GNA14: variants seen among roughly 807,000 people sequenced by gnomAD.
GNA14 encodes the protein G protein subunit alpha 14.
In GNA14, 50 loss-of-function variants were observed where a neutral mutation model predicts 42.0. That is an observed-to-expected ratio of 1.19 (90% CI 0.95 to 1.51). GNA14 has a LOEUF of 1.51. Among genes scored for constraint, GNA14 ranks in the 40% most tolerant of loss-of-function variants. GNA14 has a pLI of 0.00. For synonymous variants in GNA14, 173 were observed against 163.1 expected (o/e 1.06, Z -0.46); for missense variants, 473 against 446.2 (o/e 1.06, Z -0.54).
At chr9:77,525,833 C>T (rs1287020190) in intron 2 of GNA14, among the ~76,000 whole-genome samples, 5 of 149,438 alleles carry the variant, frequency 3.3e-5, no homozygotes, top group Non-Finnish European at 5.9e-5. Flanking sequence ...CCACCGCACC[C>T]GGCCGTGCCC....
In GNA14 at chr9:77,623,451, C is replaced by T. The variant is rs1823965462; in HGVS notation, c.124+24219G>A. Among the ~76,000 whole-genome samples the T allele has an allele frequency of 1.3e-5, 2 of 152,010 alleles. 1 individual carries two copies. The highest frequency in any genetic ancestry group is 4.2e-4 in the South Asian group (2 of 4,814). On this transcript the variant is annotated intron_variant, in intron 1 of 6. Coordinates refer to ENST00000341700, the MANE Select transcript of GNA14 (RefSeq NM_004297.4). ...AGAATAAGAATAAGTAAATCAAACA[C>T]ATATTAATAATACTCTCACAGTGGC... is the stretch of plus-strand genomic sequence containing the variant.
intron 1 of GNA14, among the ~76,000 whole-genome samples, chr9:77,559,864 A>G (rs1044949254): frequency 6.6e-6 from 1 of 152,236 alleles, no homozygotes; most frequent in African/African-American, 2.4e-5. Context: ...CTCAGCTTAT[A>G]AACTGTTGAG....
rs749143230 is a variant in GNA14 at position 77,647,706 on chromosome 9, T to C, written c.88A>G (p.Lys30Glu). The C allele has an allele frequency of 1.2e-6, 2 of 1,610,302 alleles. No individual in the cohort carries two copies. The highest frequency in any genetic ancestry group is 1.3e-5 in the African/African-American group (1 of 74,886). Residue 30 changes from lysine (K) to glutamate (E), a missense_variant, in exon 1 of 7, where the codon AAG (lysine) becomes GAG (glutamate). Transcript: ENST00000341700. ...AGCTTAAGCTCACGGCGCGCGTCCT[T>C]CTTGTCCCGACGAAGCTGTCGCTCG... The part of the protein sequence containing the change: ...EIERQLRRDK[K>E]DARRELKLLL...
chr9:77,440,676 G>A (rs1332979608), intron 2 of GNA14, among the ~76,000 whole-genome samples: 1 of 152,104 alleles, frequency 6.6e-6, no homozygotes, highest in Admixed American at 6.5e-5. Flanking sequence ...TTGTTTTGTA[G>A]TGAGAACACT....
intron 2 of GNA14, among the ~76,000 whole-genome samples, chr9:77,516,577 T>G (rs1040394228): frequency 3.3e-5 from 5 of 151,936 alleles, no homozygotes; most frequent in Non-Finnish European, 5.9e-5. Flanking sequence ...AATACAAAAA[T>G]TAGATGGGTG....
intron 2 of GNA14, among the ~76,000 whole-genome samples, chr9:77,520,705 A>G (rs1004283936): frequency 1.3e-5 from 2 of 152,218 alleles, no homozygotes; most frequent in African/African-American, 2.4e-5. Context: ...TTGCAATTTA[A>G]AAGACTCAGA....
At chr9:77,528,969 T>G in intron 2 of GNA14, 100 bp downstream of exon 2, 4 of 992,454 alleles carry the variant, frequency 4.0e-6, no homozygotes, top group South Asian at 1.4e-5. Context: ...AACAAGAGCT[T>G]CTTCTGGCAT....
At chr9:77,498,842 G>A (rs1415373323) in intron 2 of GNA14, among the ~76,000 whole-genome samples, 1 of 152,106 alleles carries the variant, frequency 6.6e-6, no homozygotes, top group Admixed American at 6.6e-5. Context: ...GTAATGTGAT[G>A]AAAAAACCTA....
At chr9:77,589,308 C>T (rs1029876331) in intron 1 of GNA14, among the ~76,000 whole-genome samples, 2 of 152,190 alleles carry the variant, frequency 1.3e-5, no homozygotes, top group African/African-American at 2.4e-5. Context: ...TGACTTTCTG[C>T]GTCAACCAAA....
chr9:77,647,953 C>A lies in GNA14; in HGVS notation c.-160G>T. 1.3e-6 allele frequency: 1 copy of A among 772,868 alleles called. No homozygotes were observed. Among genetic ancestry groups the A allele is most frequent in the Non-Finnish European group, 2.0e-6 (1 of 497,122 alleles). 47.9% of individuals were successfully genotyped at this position (772,868 alleles called of 1,614,324 possible). Reference sequence around the variant, plus strand: ...GAGTAAGACGCCTGGACCTCCGAGGCTCAATCCCCCTTCGAAAGTCGGCTC... The same window carrying A: ...GAGTAAGACGCCTGGACCTCCGAGGATCAATCCCCCTTCGAAAGTCGGCTC... On this transcript the variant is annotated 5_prime_UTR_variant, in exon 1 of 7. Coordinates refer to ENST00000341700, the MANE Select transcript of GNA14 (RefSeq NM_004297.4).
chr9:77,504,287 A>G (rs1185310288), intron 2 of GNA14, among the ~76,000 whole-genome samples: 1 of 152,108 alleles, frequency 6.6e-6, no homozygotes, highest in Non-Finnish European at 1.5e-5. Context: ...TAAATATTTG[A>G]TCTCTTGCTT....
At chr9:77,430,665 G>A (rs1307089822) in intron 4 of GNA14, among the ~76,000 whole-genome samples, 2 of 152,174 alleles carry the variant, frequency 1.3e-5, no homozygotes, top group Non-Finnish European at 2.9e-5. Flanking sequence ...AAAATCGTGT[G>A]TGATAATTGT....
At chr9:77,580,537 G>A (rs984623551) in intron 1 of GNA14, 5 of 471,702 alleles carry the variant, frequency 1.1e-5, no homozygotes, top group African/African-American at 7.9e-5. Context: ...CCCCATCATC[G>A]GGTTCCACCA....
chr9:77,575,471 C>T (rs1382814135), intron 1 of GNA14, among the ~76,000 whole-genome samples: 1 of 152,108 alleles, frequency 6.6e-6, no homozygotes, highest in African/African-American at 2.4e-5. Context: ...CTAAACTTTC[C>T]ACATGAAAAA....
At chr9:77,503,852 A>T (rs1343947650) in intron 2 of GNA14, among the ~76,000 whole-genome samples, 2 of 151,810 alleles carry the variant, frequency 1.3e-5, no homozygotes, top group Non-Finnish European at 2.9e-5. Flanking sequence ...TTTCACCGTA[A>T]TATATTTGTA....
intron 2 of GNA14, among the ~76,000 whole-genome samples, chr9:77,463,183 G>A (rs1690725074): frequency 6.6e-6 from 1 of 152,070 alleles, no homozygotes; most frequent in Admixed American, 6.5e-5. Flanking sequence ...GTGGAATGTG[G>A]GACTGTAAAA....
intron 2 of GNA14, among the ~76,000 whole-genome samples, chr9:77,442,104 G>A (rs1385004920): frequency 1.3e-5 from 2 of 152,212 alleles, no homozygotes; most frequent in Non-Finnish European, 2.9e-5. Flanking sequence ...TGGTGCAGTG[G>A]CTCATGCCTA....
chr9:77,555,544 G>A (rs1822761158), intron 1 of GNA14, among the ~76,000 whole-genome samples: 1 of 152,226 alleles, frequency 6.6e-6, no homozygotes, highest in South Asian at 2.1e-4. Context: ...CTGAGTGTGT[G>A]TCTATCTAGA....
At chr9:77,641,431 G>A (rs1824266356) in intron 1 of GNA14, among the ~76,000 whole-genome samples, 1 of 151,550 alleles carries the variant, frequency 6.6e-6, no homozygotes, top group South Asian at 2.1e-4. Flanking sequence ...CCACAGAGGA[G>A]CAGATGGACA....
Sources: gnomAD v4.1 joint callset for allele counts (sites outside exome capture counted in the v4.1 genomes callset) on GRCh38, gnomAD v4.1.1 for gene constraint, MANE v1.5 for transcripts, NCBI Gene and HGNC (gene_info 2026-07-23, HGNC 2026-07-21) for gene names.